Variants in RAD51B observed in about 807,000 individuals in gnomAD.
The protein encoded by RAD51B is DNA repair protein RAD51 homolog 2.
RAD51B carries 38 observed loss-of-function variants against 42.2 expected under a neutral mutation model. That is an observed-to-expected ratio of 0.90 (90% confidence interval 0.70 to 1.18). The LOEUF is 1.18. Ranked by LOEUF, RAD51B falls within the 50% of genes most tolerant of loss-of-function variation. The pLI, the probability that RAD51B is intolerant of heterozygous loss-of-function variation, is 0.00. For synonymous variants in RAD51B, 154 were observed against 145.2 expected, an observed-to-expected ratio of 1.06 and a Z score of -0.43; for missense variants, 373 against 400.7, an observed-to-expected ratio of 0.93 and a Z score of 0.59.
chr14:67,962,250 G>A (rs563056136), intron 7 of RAD51B, among the ~76,000 whole-genome samples: 69 of 152,296 alleles, frequency 4.5e-4, no homozygotes, highest in African/African-American at 1.6e-3. Context: ...TGGTGTCTTT[G>A]AGGAAGTGGA....
chr14:68,556,273 T>C (rs1256167440), intron 10 of RAD51B, among the ~76,000 whole-genome samples: 2 of 152,150 alleles, frequency 1.3e-5, no homozygotes, highest in Non-Finnish European at 2.9e-5. Context: ...GAGCCATCCT[T>C]GGGCACCCTG....
intron 4 of RAD51B, among the ~76,000 whole-genome samples, chr14:67,852,501 A>G (rs929993812): frequency 5.9e-5 from 9 of 152,206 alleles, no homozygotes; most frequent in Non-Finnish European, 1.0e-4. Flanking sequence ...TTTCCATAGG[A>G]CTGCTTGAGT....
chr14:68,029,673 A>T (rs938331749), intron 7 of RAD51B, among the ~76,000 whole-genome samples: 3 of 151,620 alleles, frequency 2.0e-5, no homozygotes, highest in African/African-American at 7.3e-5. Context: ...AATCTTCTTC[A>T]CTCCTGTGCA....
chr14:68,490,524 T>A (rs1883981949), intron 10 of RAD51B, among the ~76,000 whole-genome samples: 1 of 152,232 alleles, frequency 6.6e-6, no homozygotes, highest in Non-Finnish European at 1.5e-5. Flanking sequence ...CTCTAAGACA[T>A]ATTGCCCCAT....
chr14:68,548,785 C>T (rs1888366300), intron 10 of RAD51B, among the ~76,000 whole-genome samples: 1 of 151,854 alleles, frequency 6.6e-6, no homozygotes, highest in Non-Finnish European at 1.5e-5. Flanking sequence ...TATCCCCCCA[C>T]CCAGGGCACA....
At chr14:68,373,429 T>C (rs888722129) in intron 8 of RAD51B, among the ~76,000 whole-genome samples, 3 of 152,168 alleles carry the variant, frequency 2.0e-5, no homozygotes, top group Admixed American at 1.3e-4. Flanking sequence ...CACTATGGAG[T>C]ACTATGCAGC....
chr14:67,884,135 T>C (rs1366441997), intron 5 of RAD51B, among the ~76,000 whole-genome samples: 2 of 152,206 alleles, frequency 1.3e-5, no homozygotes, highest in African/African-American at 4.8e-5. Flanking sequence ...ATAAAAAACA[T>C]TTAGAGAAAC....
downstream of RAD51B, among the ~76,000 whole-genome samples, chr14:68,481,196 T>C (rs1883151966): frequency 6.6e-6 from 1 of 152,344 alleles, no homozygotes; most frequent in East Asian, 1.9e-4. Flanking sequence ...GGAAAATATA[T>C]TATTTTTCCT....
chr14:68,153,660 C>T (rs1401337821), intron 7 of RAD51B, among the ~76,000 whole-genome samples: 2 of 151,922 alleles, frequency 1.3e-5, no homozygotes, highest in African/African-American at 4.8e-5. Context: ...CTATTCATGT[C>T]CTTTTTAATG....
intron 8 of RAD51B, chr14:68,387,320 A>G (rs2083616624): frequency 6.6e-6 from 1 of 152,226 alleles, no homozygotes; most frequent in Non-Finnish European, 1.5e-5. Context: ...TACAGCTAAA[A>G]TGCACCTGGA....
intron 10 of RAD51B, among the ~76,000 whole-genome samples, chr14:68,513,142 G>A (rs1885855882): frequency 6.6e-6 from 1 of 152,146 alleles, no homozygotes; most frequent in Non-Finnish European, 1.5e-5. Context: ...GATGTCCTTG[G>A]AGGTTTTGGA....
At chr14:68,238,478 A>AT (rs947057547) in intron 7 of RAD51B, among the ~76,000 whole-genome samples, 4 of 151,936 alleles carry the variant, frequency 2.6e-5, no homozygotes, top group African/African-American at 9.7e-5. Flanking sequence ...ATTTTAAAAA[A>AT]TTTTTTGTAG....
At chr14:68,333,899 GT>G in intron 8 of RAD51B, among the ~76,000 whole-genome samples, 1 of 152,020 alleles carries the variant, frequency 6.6e-6, no homozygotes, top group South Asian at 2.1e-4. Flanking sequence ...CATTGCAATT[GT>G]GTATCCTTTG....
At chr14:68,335,191 G>A (rs1010134577) in intron 8 of RAD51B, among the ~76,000 whole-genome samples, 15 of 149,458 alleles carry the variant, frequency 1.0e-4, no homozygotes, top group Middle Eastern at 3.4e-3. Context: ...CAGCTACTCC[G>A]GAAGCTGAAG....
In RAD51B at chr14:68,218,609, C is replaced by A. The variant is rs117534115; in HGVS notation, c.757-73275C>A. On this transcript the variant is annotated intron_variant, in intron 7 of 10. Coordinates refer to ENST00000471583, the MANE Select transcript of RAD51B (RefSeq NM_133510.4). ...CTATTTAATAAAGAGACAGAAACTT[C>A]AAATGCATAATTATGACATCAATAT... 8.1e-3 allele frequency among the ~76,000 whole-genome samples: 1,237 copies of A among 152,254 alleles called. 4 individuals are homozygous for A. Among genetic ancestry groups the A allele is most frequent in the Non-Finnish European group, 0.011 (724 of 68,008 alleles).
chr14:68,389,303 G>A (rs982402864), intron 8 of RAD51B, among the ~76,000 whole-genome samples: 1 of 150,160 alleles, frequency 6.7e-6, no homozygotes, highest in African/African-American at 2.5e-5. Context: ...TCATCCCAAA[G>A]GTAACTAACT....
chr14:68,672,753 A>G (rs1893184638), intron 11 of RAD51B, among the ~76,000 whole-genome samples: 1 of 152,312 alleles, frequency 6.6e-6, no homozygotes, highest in South Asian at 2.1e-4. Flanking sequence ...GAGATGGAAA[A>G]TAACCATGAG....
intron 8 of RAD51B, among the ~76,000 whole-genome samples, chr14:68,366,079 A>G (rs2083137114): frequency 6.6e-6 from 1 of 152,158 alleles, no homozygotes; most frequent in Non-Finnish European, 1.5e-5. Flanking sequence ...TGACTTTAAT[A>G]AACATTCCTA....
intron 8 of RAD51B, among the ~76,000 whole-genome samples, chr14:68,367,596 T>G (rs901154826): frequency 3.9e-5 from 6 of 151,936 alleles, no homozygotes; most frequent in Admixed American, 3.3e-4. Context: ...GTGGGGAAAA[T>G]CCAGAGGAGA....
Sources: allele counts gnomAD v4.1 joint callset (sites outside exome capture counted in the v4.1 genomes callset), GRCh38; gene constraint gnomAD v4.1.1; transcripts MANE v1.5; gene names NCBI Gene and HGNC (gene_info 2026-07-23, HGNC 2026-07-21).